Variants in ASIC4 observed in about 807,000 individuals in gnomAD.
The protein encoded by ASIC4 is acid-sensing ion channel 4.
ASIC4 carries 28 observed loss-of-function variants against 53.4 expected under a neutral mutation model. The observed-to-expected ratio is 0.52, with a 90% CI of 0.39 to 0.72. The LOEUF (loss-of-function observed/expected upper bound fraction) is 0.72. Ranked by LOEUF, ASIC4 falls within the 30% of genes least tolerant of loss-of-function variation. ASIC4 has a pLI of 0.00. For synonymous variants in ASIC4, 289 were observed against 301.4 expected (o/e 0.96, Z 0.43); for missense variants, 649 against 729.7 (o/e 0.89, Z 1.27).
At chr2:219,535,437 TTG>T in intron 6 of ASIC4, 113 bp downstream of exon 6, 3 of 1,189,634 alleles carry the variant, frequency 2.5e-6, no homozygotes, top group South Asian at 3.1e-5. Context: ...GTGTATGTGT[TTG>T]TGTGTATGTG....
In ASIC4 at chr2:219,532,127, G is replaced by C. The variant is rs756510718; in HGVS notation, c.854G>C (p.Arg285Pro). The change falls in exon 3 of 10, where the codon CGG becomes CCG. Residue 285 changes from arginine to proline, a missense_variant and splice_region_variant. Physicochemically the swap from Arg to Pro is moderately radical, Grantham distance 103. Transcript: ENST00000358078. ...FQTFVSCQEQ[R>P]LTYLPQPWGN... ...ACCTTTGTGTCCTGCCAGGAACAGC[G>C]GGTGAGCATCTCCTGCTAGGCCCTG... 1 of 1,614,140 alleles carries C rather than the reference G, an allele frequency of 6.2e-7. No individual in the cohort carries two copies. Among genetic ancestry groups the C allele is most frequent in the African/African-American group, 1.3e-5 (1 of 75,072 alleles).
chr2:219,533,582 GAA>G, intron 5 of ASIC4: 1 of 157,434 alleles, frequency 6.4e-6, no homozygotes, highest in Admixed American at 6.0e-5. Flanking sequence ...ATTCCTAGAG[GAA>G]GGGACACATT....
At chr2:219,528,554 T>G (rs59033723) in intron 1 of ASIC4, among the ~76,000 whole-genome samples, 32 of 151,482 alleles carry the variant, frequency 2.1e-4, no homozygotes, top group African/African-American at 6.3e-4. Flanking sequence ...TGTTGTTGTT[T>G]TTTGAGATGG....
chr2:219,534,012 C>T (rs1465470259), intron 5 of ASIC4: 1 of 115,494 alleles, frequency 8.7e-6, no homozygotes, highest in Non-Finnish European at 1.6e-5. Flanking sequence ...CTAGTCTGAG[C>T]TACAGAGTTA....
At chr2:219,520,355 G>A (rs888932301) in intron 1 of ASIC4, among the ~76,000 whole-genome samples, 1 of 152,112 alleles carries the variant, frequency 6.6e-6, no homozygotes, top group African/African-American at 2.4e-5. Flanking sequence ...GGCACAGAAA[G>A]CATGCAAGCC....
rs1206166733 is a variant in ASIC4, at chr2:219,531,939, G to A, written c.727+37G>A. 1.9e-6 allele frequency: 3 copies of A among 1,612,240 alleles called. No homozygotes were observed. The South Asian group carries it at 3.3e-5, about 18-fold the overall frequency. On this transcript the variant is annotated intron_variant, in intron 2 of 9. Coordinates refer to ENST00000358078, the MANE Select transcript of ASIC4 (RefSeq NM_018674.6). ...GGAAAGGGACAAGGGCCACCTTGGG[G>A]ACTGGGGCCTGGGCCCTCTGCCTGG... is the stretch of plus-strand genomic sequence containing the variant.
chr2:219,514,566 C>T lies in ASIC4; in HGVS notation c.-159C>T, dbSNP rs774952060. ...AGCTGCTGGGAGTGGGAGTGACTCC[C>T]CCACCTCGGGCCCCCACCCTGTCCC... On this transcript the variant is annotated 5_prime_UTR_variant, in exon 1 of 10. Transcript: ENST00000358078. 9 of 1,572,078 alleles carry T rather than the reference C, an allele frequency of 5.7e-6. No individual in the cohort carries two copies. Among genetic ancestry groups the T allele is most frequent in the Non-Finnish European group, 7.8e-6 (9 of 1,159,034 alleles).
At chr2:219,530,831 T>C (rs557842682) in intron 1 of ASIC4, among the ~76,000 whole-genome samples, 1 of 152,238 alleles carries the variant, frequency 6.6e-6, no homozygotes, top group East Asian at 1.9e-4. Context: ...TGGGCACTTT[T>C]GGGTTAGGGA....
At position 219,532,392 on chromosome 2, in the gene ASIC4, G is replaced by T; in HGVS notation, c.933G>T (p.Ser311=). ...ELREPELQGY[S]AYSVSACRLR... Reference sequence around the variant, plus strand: ...GGGAGCCTGAGCTTCAGGGCTACTCGGCCTACAGTGTGTCTGCCTGCCGGC... The same window carrying T: ...GGGAGCCTGAGCTTCAGGGCTACTCTGCCTACAGTGTGTCTGCCTGCCGGC... The change falls in exon 4 of 10, where the codon TCG becomes TCT. Residue 311 remains serine (S), a synonymous_variant. Coordinates refer to ENST00000358078, the MANE Select transcript of ASIC4 (RefSeq NM_018674.6). 1 of 1,614,094 alleles carries T rather than the reference G, an allele frequency of 6.2e-7. No homozygotes were observed. Among genetic ancestry groups the T allele is most frequent in the Non-Finnish European group, 8.5e-7 (1 of 1,179,996 alleles).
At position 219,514,697 on chromosome 2, in the gene ASIC4, T is replaced by C. The variant is rs761394431; in HGVS notation, c.-28T>C. 1.2e-6 allele frequency: 2 copies of C among 1,613,388 alleles called. No homozygotes were observed. The highest frequency in any genetic ancestry group is 2.2e-5 in the South Asian group (2 of 91,068). On this transcript the variant is annotated 5_prime_UTR_variant, in exon 1 of 10. Transcript: ENST00000358078. Reference sequence around the variant, plus strand: ...CTAGGGAGGGACAGGGCAGGGAGGCTCTGGCCAGTCCCAGCAGCCGGGGAC... The same window carrying C: ...CTAGGGAGGGACAGGGCAGGGAGGCCCTGGCCAGTCCCAGCAGCCGGGGAC...
Position 219,537,619 on chromosome 2 carries a change from C to T in ASIC4, c.1402-13C>T. On this transcript the variant is annotated splice_polypyrimidine_tract_variant and intron_variant, in intron 8 of 9. Coordinates refer to ENST00000358078, the MANE Select transcript of ASIC4 (RefSeq NM_018674.6). The surrounding 1 kb of genome is among the most constrained non-coding windows in gnomAD (Gnocchi z 4.9). The stretch of plus-strand genomic sequence containing the variant: ...TCCTGAGCCCACTGCTGTCCCCGAC[C>T]CTGAACCCCAAGGTGTCCTGGGATC... The T allele has an allele frequency of 6.2e-7, 1 of 1,607,590 alleles. No homozygotes were observed. The highest frequency in any genetic ancestry group is 1.1e-5 in the South Asian group (1 of 90,098).
intron 6 of ASIC4, among the ~76,000 whole-genome samples, chr2:219,535,769 C>CTT (rs1392717911): frequency 7.2e-6 from 1 of 139,672 alleles, no homozygotes; most frequent in Non-Finnish European, 1.6e-5. Context: ...TATTCTTCTC[C>CTT]TTCTTTTTTT....
At chr2:219,530,023 T>G (rs1695016264) in intron 1 of ASIC4, among the ~76,000 whole-genome samples, 1 of 152,160 alleles carries the variant, frequency 6.6e-6, no homozygotes, top group Non-Finnish European at 1.5e-5. Context: ...GCACTCCCCC[T>G]GTGTAGCCAG....
At chr2:219,526,142 G>A (rs1316105498) in intron 1 of ASIC4, among the ~76,000 whole-genome samples, 1 of 152,182 alleles carries the variant, frequency 6.6e-6, no homozygotes, top group Non-Finnish European at 1.5e-5. Flanking sequence ...AAGCCAGCCA[G>A]GGAGAGAGCT....
intron 5 of ASIC4, chr2:219,534,084 C>CA (rs1695088607): frequency 7.5e-6 from 1 of 133,540 alleles, no homozygotes; most frequent in Non-Finnish European, 1.6e-5. Flanking sequence ...AGGAAGCCAA[C>CA]AAAGGCCTGT....
chr2:219,513,549 C>G (rs1009043708), upstream of ASIC4, among the ~76,000 whole-genome samples: 2 of 152,216 alleles, frequency 1.3e-5, no homozygotes, highest in Non-Finnish European at 2.9e-5. Flanking sequence ...CTTCCACGCC[C>G]CCACTGGGGC....
intron 1 of ASIC4, among the ~76,000 whole-genome samples, chr2:219,527,959 G>C (rs1056827638): frequency 6.6e-6 from 1 of 152,222 alleles, no homozygotes; most frequent in African/African-American, 2.4e-5. Context: ...ACACCACAAC[G>C]GTGCCTGGCA....
chr2:219,523,545 T>A (rs1347621185), intron 1 of ASIC4, among the ~76,000 whole-genome samples: 1 of 152,198 alleles, frequency 6.6e-6, no homozygotes, highest in Non-Finnish European at 1.5e-5. Flanking sequence ...TGTATGCACG[T>A]GTAGAACTAA....
intron 5 of ASIC4, chr2:219,533,140 G>A: frequency 1.6e-6 from 1 of 625,774 alleles, no homozygotes; most frequent in South Asian, 1.8e-5. Context: ...GTAAGTGGAG[G>A]CAGCAGGGTG....
Sources: allele counts gnomAD v4.1 joint callset (sites outside exome capture counted in the v4.1 genomes callset), GRCh38; gene constraint gnomAD v4.1.1; non-coding constraint Gnocchi (gnomAD v3.1); transcripts MANE v1.5; gene names NCBI Gene and HGNC (gene_info 2026-07-23, HGNC 2026-07-21).